The following BICD1 variants were observed in gnomAD, a reference collection of about 807,000 sequenced individuals.
BICD1 encodes BICD cargo adaptor 1.
A neutral mutation model predicts 92.5 loss-of-function variants in BICD1; 35 were observed. The ratio of observed to expected loss-of-function variants is 0.38; its 90% confidence interval spans 0.29 to 0.50. The LOEUF (loss-of-function observed/expected upper bound fraction) is 0.50. Ranked by LOEUF, BICD1 falls within the 20% of genes least tolerant of loss-of-function variation. The pLI, the probability that BICD1 is intolerant of heterozygous loss-of-function variation, is 0.93. For missense variants in BICD1, 950 were observed against 1,189.8 expected, an observed-to-expected ratio of 0.80 and a Z score of 2.97; for synonymous variants, 429 against 465.1, an observed-to-expected ratio of 0.92 and a Z score of 1.00.
At chr12:32,128,551 T>G (rs184002882) in intron 1 of BICD1, among the ~76,000 whole-genome samples, 329 of 152,326 alleles carry the variant, frequency 2.2e-3, no homozygotes, top group Admixed American at 3.9e-3. Context: ...TTAATTGCTT[T>G]TTATCACTTT....
At chr12:32,319,188 A>C (rs1312123451) in intron 4 of BICD1, among the ~76,000 whole-genome samples, 1 of 152,230 alleles carries the variant, frequency 6.6e-6, no homozygotes, top group African/African-American at 2.4e-5. Context: ...GATGAATAAA[A>C]ATGGCAAGAG....
Position 32,214,472 on chromosome 12 carries a change from T to C in BICD1, c.214-1775T>C, listed in dbSNP as rs187003701. On this transcript the variant is annotated intron_variant, in intron 1 of 9. Coordinates refer to ENST00000652176, the MANE Select transcript of BICD1 (RefSeq NM_001714.4). ...ATTAAAAACAATAAGTTTATCTACT[T>C]ATTAATACTTCCACTTACAATTCAA... is the stretch of plus-strand genomic sequence containing the variant. Among the ~76,000 whole-genome samples, 342 of 152,340 alleles carry C rather than the reference T, an allele frequency of 2.2e-3. 2 individuals are homozygous for C. Among genetic ancestry groups the C allele is most frequent in the African/African-American group, 7.9e-3 (328 of 41,576 alleles).
At chr12:32,282,931 T>C (rs1342619824) in intron 2 of BICD1, among the ~76,000 whole-genome samples, 3 of 152,186 alleles carry the variant, frequency 2.0e-5, no homozygotes, top group Non-Finnish European at 4.4e-5. Context: ...GATTTAAGAA[T>C]AGATGTTCAT....
chr12:32,278,409 T>G (rs1329366902), intron 2 of BICD1, among the ~76,000 whole-genome samples: 1 of 152,146 alleles, frequency 6.6e-6, no homozygotes, highest in Non-Finnish European at 1.5e-5. Context: ...CCAATCTACT[T>G]TGGGAAATGA....
At chr12:32,245,249 T>A (rs1197757069) in intron 2 of BICD1, among the ~76,000 whole-genome samples, 1 of 121,538 alleles carries the variant, frequency 8.2e-6, no homozygotes, top group African/African-American at 2.8e-5. Flanking sequence ...TTTTGTTTTT[T>A]GTTTTTTTTT....
intron 8 of BICD1, among the ~76,000 whole-genome samples, chr12:32,345,396 A>C (rs1326721500): frequency 2.0e-5 from 3 of 152,188 alleles, no homozygotes; most frequent in Non-Finnish European, 4.4e-5. Flanking sequence ...AAAATTTTAA[A>C]GTACAAAGGG....
intron 1 of BICD1, among the ~76,000 whole-genome samples, chr12:32,214,473 A>T (rs1210364870): frequency 6.6e-6 from 1 of 152,234 alleles, no homozygotes. Context: ...TTATCTACTT[A>T]TTAATACTTC....
intron 8 of BICD1, among the ~76,000 whole-genome samples, chr12:32,360,185 A>G (rs888842511): frequency 6.6e-6 from 1 of 152,142 alleles, no homozygotes; most frequent in Non-Finnish European, 1.5e-5. Flanking sequence ...CTCAAAAAAA[A>G]AAAAGAATAT....
chr12:32,286,452 C>T (rs2136180005), intron 2 of BICD1, among the ~76,000 whole-genome samples: 2 of 151,906 alleles, frequency 1.3e-5, no homozygotes, highest in Non-Finnish European at 2.9e-5. Context: ...TATGTTTCTA[C>T]AAAAAAAGAA....
chr12:32,187,786 G>C (rs2121528694), intron 1 of BICD1, among the ~76,000 whole-genome samples: 1 of 152,334 alleles, frequency 6.6e-6, no homozygotes, highest in Middle Eastern at 3.4e-3. Flanking sequence ...TTTATTATTT[G>C]GGTAAGGAAT....
At chr12:32,181,094 G>T (rs531487910) in intron 1 of BICD1, among the ~76,000 whole-genome samples, 6 of 151,872 alleles carry the variant, frequency 4.0e-5, no homozygotes, top group African/African-American at 1.4e-4. Context: ...TTGGAGACAT[G>T]CATACAAATA....
chr12:32,326,101 AG>A (rs1258544281), intron 4 of BICD1, among the ~76,000 whole-genome samples: 6 of 150,578 alleles, frequency 4.0e-5, no homozygotes, highest in African/African-American at 7.3e-5. Flanking sequence ...AAAAAAAAAA[AG>A]AAAGTTTGAA....
At chr12:32,112,528 A>C (rs1311653477) in intron 1 of BICD1, among the ~76,000 whole-genome samples, 3 of 152,188 alleles carry the variant, frequency 2.0e-5, no homozygotes, top group African/African-American at 7.2e-5. Context: ...CAAATTTGAA[A>C]ATACGGTAAT....
At chr12:32,339,934 C>G (rs1938298160) in intron 8 of BICD1, 1 of 829,870 alleles carries the variant, frequency 1.2e-6, no homozygotes, top group Non-Finnish European at 1.5e-6. Context: ...ATGTCAACAC[C>G]TGTTGGAGCT....
At chr12:32,128,050 C>T (rs912204277) in intron 1 of BICD1, among the ~76,000 whole-genome samples, 9 of 151,988 alleles carry the variant, frequency 5.9e-5, no homozygotes, top group Admixed American at 5.3e-4. Context: ...ATTACAGGTG[C>T]ATGCCACCAC....
chr12:32,125,039 G>A (rs1292595067), intron 1 of BICD1, among the ~76,000 whole-genome samples: 2 of 152,304 alleles, frequency 1.3e-5, no homozygotes, highest in South Asian at 4.1e-4. Context: ...TTTTAAATCT[G>A]TTTGAGCCTT....
At chr12:32,207,164 C>G (rs1321699476) in intron 1 of BICD1, among the ~76,000 whole-genome samples, 2 of 152,114 alleles carry the variant, frequency 1.3e-5, no homozygotes, top group Admixed American at 1.3e-4. Flanking sequence ...TATAGGAATT[C>G]ATTTTAATGT....
rs140556248 is a variant in BICD1 at position 32,197,838 on chromosome 12, A to T, written c.214-18409A>T. Among the ~76,000 whole-genome samples the T allele has an allele frequency of 4.8e-4, 73 of 152,262 alleles. 3 individuals carry two copies. The East Asian group carries it at 0.013, about 26-fold the overall frequency. ...GTTTTACATATTGTGAACTTTGCTA[A>T]CCTTCACCTTTATCAACAAGCTGTG... is the stretch of plus-strand genomic sequence containing the variant. On this transcript the variant is annotated intron_variant, in intron 1 of 9. Coordinates refer to ENST00000652176, the MANE Select transcript of BICD1 (RefSeq NM_001714.4).
chr12:32,111,753 A>G (rs907650226), intron 1 of BICD1, among the ~76,000 whole-genome samples: 5 of 151,852 alleles, frequency 3.3e-5, no homozygotes. Flanking sequence ...GACTACACGC[A>G]TTCACCACCA....
Sources: allele counts gnomAD v4.1 joint callset (sites outside exome capture counted in the v4.1 genomes callset), GRCh38; gene constraint gnomAD v4.1.1; transcripts MANE v1.5; gene names NCBI Gene and HGNC (gene_info 2026-07-23, HGNC 2026-07-21).